Variants in PTCHD4 observed in about 807,000 individuals in gnomAD.
PTCHD4 encodes patched domain containing 4, also known as patched domain-containing protein 4.
A neutral mutation model predicts 58.1 loss-of-function variants in PTCHD4; 33 were observed. The observed-to-expected ratio is 0.57, with a 90% CI of 0.43 to 0.76. PTCHD4 has a LOEUF of 0.76. PTCHD4 is among the 30% of genes least tolerant of loss of function. The pLI is 0.00. For missense variants in PTCHD4, 1,058 were observed against 1,027.1 expected (o/e 1.03, Z -0.41); for synonymous variants, 478 against 409.6 (o/e 1.17, Z -2.02).
intron 4 of PTCHD4, among the ~76,000 whole-genome samples, chr6:47,962,738 C>T (rs746857816): frequency 6.6e-5 from 10 of 151,286 alleles, no homozygotes; most frequent in Non-Finnish European, 1.3e-4. Context: ...TACCCAGTCT[C>T]GGGCTATAAA....
At chr6:48,013,587 T>C (rs1232224779) in intron 3 of PTCHD4, among the ~76,000 whole-genome samples, 1 of 151,888 alleles carries the variant, frequency 6.6e-6, no homozygotes, top group Non-Finnish European at 1.5e-5. Flanking sequence ...ACTGAGAAAT[T>C]GTGGAAAATT....
chr6:47,868,126 G>A lies in PTCHD4; in HGVS notation c.*10177C>T, dbSNP rs989293186. 6.6e-6 allele frequency among the ~76,000 whole-genome samples: 1 copy of A among 151,542 alleles called. No individual in the cohort carries two copies. The highest frequency in any genetic ancestry group is 2.4e-5 in the African/African-American group (1 of 41,332). Reference sequence around the variant, plus strand: ...GAAACTAAATAAAAAAAAGGTTTCAGTTCAGTTGTTTAGTCCCTTCTTCAA... The same window carrying A: ...GAAACTAAATAAAAAAAAGGTTTCAATTCAGTTGTTTAGTCCCTTCTTCAA... On this transcript the variant is annotated 3_prime_UTR_variant, in exon 5 of 5. Coordinates refer to ENST00000339488, the MANE Select transcript of PTCHD4 (RefSeq NM_001384253.1).
At chr6:48,074,822 T>C (rs906034941) in intron 1 of PTCHD4, among the ~76,000 whole-genome samples, 3 of 152,208 alleles carry the variant, frequency 2.0e-5, no homozygotes, top group Admixed American at 6.5e-5. Context: ...GCTTTCTAAA[T>C]GGAAAATAGA....
chr6:48,103,064 G>T (rs184648120), intron 1 of PTCHD4, among the ~76,000 whole-genome samples: 1 of 152,326 alleles, frequency 6.6e-6, no homozygotes, highest in Non-Finnish European at 1.5e-5. Context: ...AATAACCTCT[G>T]CAGTCTTAAA....
chr6:47,936,305 C>T (rs1425640198), intron 4 of PTCHD4, among the ~76,000 whole-genome samples: 2 of 152,106 alleles, frequency 1.3e-5, no homozygotes, highest in Non-Finnish European at 2.9e-5. Flanking sequence ...GATTCTTTGT[C>T]CTGGTTTACA....
intron 3 of PTCHD4, among the ~76,000 whole-genome samples, chr6:48,052,938 A>G (rs1764284156): frequency 6.6e-6 from 1 of 152,136 alleles, no homozygotes; most frequent in Non-Finnish European, 1.5e-5. Context: ...TTCTAATGGA[A>G]AAGCTTTCTA....
intron 4 of PTCHD4, among the ~76,000 whole-genome samples, chr6:48,003,419 A>G (rs756698127): frequency 1.8e-4 from 28 of 152,160 alleles, no homozygotes; most frequent in Admixed American, 6.6e-5. Flanking sequence ...GTCATCATTG[A>G]CAATTCTTTT....
intron 4 of PTCHD4, among the ~76,000 whole-genome samples, chr6:47,881,376 T>C (rs1216213699): frequency 6.6e-6 from 1 of 152,190 alleles, no homozygotes; most frequent in East Asian, 1.9e-4. Flanking sequence ...AGTTTTCAAC[T>C]AGAGGTGTTT....
chr6:47,891,221 CAAAAA>C (rs35503136), intron 4 of PTCHD4, among the ~76,000 whole-genome samples: 123 of 83,294 alleles, frequency 1.5e-3, no homozygotes, highest in South Asian at 0.01. Flanking sequence ...GACTGTGTCT[CAAAAA>C]AAAAAAAAAA....
At chr6:48,099,545 C>T (rs1394072836) in intron 1 of PTCHD4, among the ~76,000 whole-genome samples, 2 of 152,130 alleles carry the variant, frequency 1.3e-5, no homozygotes, top group African/African-American at 4.8e-5. Context: ...TAGGAATATT[C>T]TCTGATTATT....
intron 3 of PTCHD4, among the ~76,000 whole-genome samples, chr6:48,024,529 A>T (rs1470098814): frequency 6.6e-6 from 1 of 152,038 alleles, no homozygotes; most frequent in African/African-American, 2.4e-5. Flanking sequence ...GGCTTTCTCT[A>T]CTCTGGAAAA....
At chr6:47,928,511 A>T (rs1765701653) in intron 4 of PTCHD4, among the ~76,000 whole-genome samples, 1 of 152,210 alleles carries the variant, frequency 6.6e-6, no homozygotes, top group African/African-American at 2.4e-5. Flanking sequence ...ATTTTTATTA[A>T]ACTATACCAA....
chr6:47,980,339 G>A (rs545276310), intron 4 of PTCHD4, among the ~76,000 whole-genome samples: 2 of 151,876 alleles, frequency 1.3e-5, no homozygotes, highest in Admixed American at 1.3e-4. Flanking sequence ...TCTACTCCAC[G>A]TTGTACTTGG....
At chr6:48,109,831 G>A (rs1049153076) in intron 1 of PTCHD4, among the ~76,000 whole-genome samples, 31 of 151,996 alleles carry the variant, frequency 2.0e-4, no homozygotes, top group East Asian at 7.7e-4. Flanking sequence ...GTAAAAATTC[G>A]TCAACATCAT....
chr6:48,085,499 C>A (rs965424149), intron 1 of PTCHD4, among the ~76,000 whole-genome samples: 9 of 152,116 alleles, frequency 5.9e-5, no homozygotes, highest in African/African-American at 2.2e-4. Flanking sequence ...CATCAAGAAC[C>A]AAGAAAAGCC....
At chr6:47,982,511 TG>T (rs1366163885) in intron 4 of PTCHD4, among the ~76,000 whole-genome samples, 5 of 140,568 alleles carry the variant, frequency 3.6e-5, no homozygotes, top group Admixed American at 7.7e-5. Flanking sequence ...TTTTTTGAGA[TG>T]GAGTCTCGCT....
intron 4 of PTCHD4, among the ~76,000 whole-genome samples, chr6:47,969,553 CTTAAATA>C (rs1211809124): frequency 6.6e-5 from 10 of 152,066 alleles, no homozygotes; most frequent in African/African-American, 2.2e-4. Context: ...AATGAGTAAA[CTTAAATA>C]TTAAAGTGGT....
chr6:48,057,424 A>G (rs1265623537), intron 3 of PTCHD4, among the ~76,000 whole-genome samples: 1 of 152,212 alleles, frequency 6.6e-6, no homozygotes, highest in Non-Finnish European at 1.5e-5. Context: ...ATTTATGCTA[A>G]GAAAGCTAAA....
At position 47,858,761 on chromosome 6, in the gene PTCHD4, C is replaced by A. The variant is rs188838325; in HGVS notation, c.*19542G>T. On this transcript the variant is annotated 3_prime_UTR_variant, in exon 5 of 5. Transcript: ENST00000339488. ...GATGTTAAGAAAACTAAAACAAGTT[C>A]CATACAAATGAAAATTTAGAAGGTG... is the stretch of plus-strand genomic sequence containing the variant. Among the ~76,000 whole-genome samples the A allele has an allele frequency of 5.4e-3, 818 of 152,008 alleles. 4 individuals are homozygous for A. The highest frequency in any genetic ancestry group is 0.015 in the Admixed American group (235 of 15,234).
Sources: allele counts gnomAD v4.1 joint callset (sites outside exome capture counted in the v4.1 genomes callset), GRCh38; gene constraint gnomAD v4.1.1; transcripts MANE v1.5; gene names NCBI Gene and HGNC (gene_info 2026-07-23, HGNC 2026-07-21).